Variants in LRMDA observed in about 807,000 individuals in gnomAD.
LRMDA encodes leucine rich melanocyte differentiation associated.
In LRMDA, 18 loss-of-function variants were observed where a neutral mutation model predicts 29.8. The observed-to-expected ratio is 0.60, with a 90% confidence interval of 0.42 to 0.90. LRMDA has a LOEUF of 0.90. Ranked by LOEUF, LRMDA falls within the 40% of genes least tolerant of loss-of-function variation. The pLI is 0.00. For synonymous variants in LRMDA, 125 were observed against 109.4 expected (o/e 1.14, Z -0.89); for missense variants, 273 against 273.9 (o/e 1.00, Z 0.02).
At chr10:75,588,077 T>C (rs1378247831) in intron 2 of LRMDA, among the ~76,000 whole-genome samples, 1 of 152,240 alleles carries the variant, frequency 6.6e-6, no homozygotes, top group Non-Finnish European at 1.5e-5. Flanking sequence ...TTTGATCTGG[T>C]TCTTTTGTTC....
intron 2 of LRMDA, among the ~76,000 whole-genome samples, chr10:75,916,164 ATGTGTGTG>A (rs34666507): frequency 8.0e-6 from 1 of 124,414 alleles, no homozygotes; most frequent in African/African-American, 2.8e-5. Context: ...TGCCAGGCCT[ATGTGTGTG>A]TGTGTGTGTG....
At chr10:75,673,355 C>A (rs937058664) in intron 2 of LRMDA, among the ~76,000 whole-genome samples, 7 of 152,086 alleles carry the variant, frequency 4.6e-5, no homozygotes, top group Non-Finnish European at 1.0e-4. Flanking sequence ...TCAGAAGAGA[C>A]CTTAGAGGTC....
intron 2 of LRMDA, among the ~76,000 whole-genome samples, chr10:75,912,525 A>G (rs1489184644): frequency 6.6e-6 from 1 of 152,118 alleles, no homozygotes; most frequent in Non-Finnish European, 1.5e-5. Context: ...TTCTGCAAAG[A>G]CCTGGAGGTG....
At chr10:76,023,331 G>C (rs754020455) in intron 2 of LRMDA, among the ~76,000 whole-genome samples, 2 of 152,184 alleles carry the variant, frequency 1.3e-5, no homozygotes, top group Non-Finnish European at 2.9e-5. Flanking sequence ...GAAAGATGAA[G>C]AAAAGCAGGC....
At chr10:75,651,780 T>G (rs796855186) in intron 2 of LRMDA, among the ~76,000 whole-genome samples, 2 of 152,294 alleles carry the variant, frequency 1.3e-5, no homozygotes, top group African/African-American at 4.8e-5. Flanking sequence ...ACTGAGCACA[T>G]TGAGCTATAT....
At chr10:75,855,837 C>G (rs375473895) in intron 2 of LRMDA, among the ~76,000 whole-genome samples, 7 of 152,222 alleles carry the variant, frequency 4.6e-5, no homozygotes, top group Admixed American at 2.6e-4. Context: ...TTCCCCATTC[C>G]TTGTTTTTGT....
intron 6 of LRMDA, among the ~76,000 whole-genome samples, chr10:76,327,828 G>A (rs775797428): frequency 6.6e-6 from 1 of 152,116 alleles, no homozygotes; most frequent in African/African-American, 2.4e-5. Flanking sequence ...AAACCATCAG[G>A]GATGGGTGTC....
intron 2 of LRMDA, among the ~76,000 whole-genome samples, chr10:75,892,847 A>G (rs1387499805): frequency 6.6e-6 from 1 of 152,096 alleles, no homozygotes; most frequent in Non-Finnish European, 1.5e-5. Context: ...ATTTGGGTAA[A>G]CCTATAGAGC....
intron 5 of LRMDA, among the ~76,000 whole-genome samples, chr10:76,140,421 A>G (rs1850177478): frequency 6.6e-6 from 1 of 151,516 alleles, no homozygotes; most frequent in Non-Finnish European, 1.5e-5. Context: ...GTCTCCCTCC[A>G]CTCCCACCCA....
chr10:76,488,396 T>A (rs1842802880), intron 6 of LRMDA, among the ~76,000 whole-genome samples: 2 of 151,972 alleles, frequency 1.3e-5, no homozygotes, highest in South Asian at 4.1e-4. Flanking sequence ...TTATTTCACA[T>A]TTTCTAGACT....
At chr10:75,723,190 C>T (rs570965980) in intron 2 of LRMDA, among the ~76,000 whole-genome samples, 1 of 152,344 alleles carries the variant, frequency 6.6e-6, no homozygotes, top group South Asian at 2.1e-4. Flanking sequence ...GAAGTGTGAG[C>T]TTGCCATTTG....
intron 6 of LRMDA, among the ~76,000 whole-genome samples, chr10:76,543,140 C>T (rs1187672947): frequency 6.6e-6 from 1 of 152,152 alleles, no homozygotes. Context: ...GCAAGGAACC[C>T]TTCACTGAGA....
chr10:76,303,925 C>T (rs1840516391), intron 5 of LRMDA, among the ~76,000 whole-genome samples: 1 of 151,992 alleles, frequency 6.6e-6, no homozygotes, highest in Non-Finnish European at 1.5e-5. Flanking sequence ...ACTACAGCAC[C>T]CCCTTCTGCC....
chr10:76,471,451 G>T (rs1002383628), intron 6 of LRMDA, among the ~76,000 whole-genome samples: 4 of 151,430 alleles, frequency 2.6e-5, no homozygotes, highest in African/African-American at 7.2e-5. Flanking sequence ...AATTATTAAA[G>T]AAATTATATT....
At chr10:76,555,774 A>G (rs1843549254) in intron 6 of LRMDA, among the ~76,000 whole-genome samples, 1 of 125,882 alleles carries the variant, frequency 7.9e-6, no homozygotes. Context: ...ACCAAAAAAA[A>G]AAAAAAAAAA....
At chr10:76,203,648 CTCCATGTGCCCGTCCACCCATCTCTAT>C (rs1239235593) in intron 5 of LRMDA, among the ~76,000 whole-genome samples, 3 of 152,022 alleles carry the variant, frequency 2.0e-5, no homozygotes, top group East Asian at 1.9e-4. Flanking sequence ...CCACCCATCT[CTCCATGTGCCCGTCCACCCATCTCTAT>C]TCCATGTGCC....
chr10:75,967,375 CT>C (rs1325218990), intron 2 of LRMDA, among the ~76,000 whole-genome samples: 1 of 152,010 alleles, frequency 6.6e-6, no homozygotes, highest in Non-Finnish European at 1.5e-5. Context: ...AACAATCTGA[CT>C]TTTTTTTGCA....
At chr10:75,890,348 C>G (rs910669385) in intron 2 of LRMDA, among the ~76,000 whole-genome samples, 2 of 152,132 alleles carry the variant, frequency 1.3e-5, no homozygotes, top group Non-Finnish European at 2.9e-5. Context: ...AAAAGGCACA[C>G]AAAACATTAA....
chr10:75,721,883 C>T (rs1424250836), intron 2 of LRMDA, among the ~76,000 whole-genome samples: 2 of 152,332 alleles, frequency 1.3e-5, no homozygotes, highest in African/African-American at 4.8e-5. Flanking sequence ...TTCGTAGCAA[C>T]AACCAGTGGC....
Sources: gnomAD v4.1 joint callset for allele counts (sites outside exome capture counted in the v4.1 genomes callset) on GRCh38, gnomAD v4.1.1 for gene constraint, MANE v1.5 for transcripts, NCBI Gene and HGNC (gene_info 2026-07-23, HGNC 2026-07-21) for gene names.